The following ZNF501 variants were observed in gnomAD, a reference collection of about 807,000 sequenced individuals.
ZNF501 encodes zinc finger protein 501, also known as zinc finger protein 52.
In ZNF501, 7 loss-of-function variants were observed where a neutral mutation model predicts 5.7. The ratio of observed to expected loss-of-function variants is 1.24; its 90% CI spans 0.70 to 2.32. The LOEUF is 2.32. Among genes scored for constraint, ZNF501 ranks in the 30% most tolerant of loss-of-function variants. The pLI is 0.00. For missense variants in ZNF501, 352 were observed against 321.1 expected, an observed-to-expected ratio of 1.10 and a Z score of -0.73; for synonymous variants, 107 against 101.9, an observed-to-expected ratio of 1.05 and a Z score of -0.30.
chr3:44,734,556 A>C lies in ZNF501; in HGVS notation c.135A>C (p.Arg45Ser). 1 of 1,614,206 alleles carries C rather than the reference A, an allele frequency of 6.2e-7. No homozygotes were observed. Among genetic ancestry groups the C allele is most frequent in the Non-Finnish European group, 8.5e-7 (1 of 1,180,028 alleles). The change falls in exon 3 of 3, where the codon AGA (arginine) becomes AGC (serine). Residue 45 changes from arginine to serine, a missense_variant. By Grantham distance (110) the Arg-to-Ser change is moderately radical. Coordinates refer to ENST00000620116, the MANE Select transcript of ZNF501 (RefSeq NM_001258280.2). Reference sequence around the variant, plus strand: ...TTACCCAGCACCAGAGGATTCACAGAGGAGAGAAGCCCTATGTGTGCAGTG... The same window carrying C: ...TTACCCAGCACCAGAGGATTCACAGCGGAGAGAAGCCCTATGTGTGCAGTG... ...SSLTQHQRIH[R>S]GEKPYVCSEC...
Position 44,735,246 on chromosome 3 carries a change from A to G in ZNF501, c.*9A>G, listed in dbSNP as rs142345135. ...TTCATGCTGGAGAGTAAAATTTGGA[A>G]TATAATGAGTATGGGAAGATTTGTA... On this transcript the variant is annotated 3_prime_UTR_variant, in exon 3 of 3. Coordinates refer to ENST00000620116, the MANE Select transcript of ZNF501 (RefSeq NM_001258280.2). The G allele has an allele frequency of 3.3e-3, 5,074 of 1,534,668 alleles. 14 individuals carry two copies. Among genetic ancestry groups the G allele is most frequent in the Non-Finnish European group, 4.1e-3 (4,726 of 1,141,998 alleles).
chr3:44,736,263 T>A lies in ZNF501; in HGVS notation c.*1026T>A, dbSNP rs1704697526. 6.0e-6 allele frequency: 1 copy of A among 167,008 alleles called. No individual in the cohort carries two copies. Among genetic ancestry groups the A allele is most frequent in the Non-Finnish European group, 1.5e-5 (1 of 68,128 alleles). The allele number at this position is 167,008 out of a possible 1,614,324, so 10.3% of individuals were successfully genotyped here. A position where few individuals can be genotyped will look rare whatever the true frequency, so the allele number is the denominator to read the frequency against. On this transcript the variant is annotated 3_prime_UTR_variant, in exon 3 of 3. Transcript: ENST00000620116. ...TAAAAGCCATGAAAAAGCAAAGAAA[T>A]CAAAGAATACTTTTGATGGAGCTTT...
intron 2 of ZNF501, among the ~76,000 whole-genome samples, chr3:44,733,743 C>T (rs1468558270): frequency 6.6e-6 from 1 of 152,112 alleles, no homozygotes; most frequent in Admixed American, 6.5e-5. Context: ...CTATAGGTTT[C>T]CAGTTGGGCC....
At chr3:44,732,617 C>G (rs1704631956) in intron 2 of ZNF501, among the ~76,000 whole-genome samples, 1 of 152,124 alleles carries the variant, frequency 6.6e-6, no homozygotes, top group Non-Finnish European at 1.5e-5. Context: ...CCCAATAGAT[C>G]CATATGTACC....
chr3:44,735,315 C>A lies in ZNF501; in HGVS notation c.*78C>A. 8.2e-7 allele frequency: 1 copy of A among 1,214,224 alleles called. No homozygotes were observed. Among genetic ancestry groups the A allele is most frequent in the Non-Finnish European group, 1.2e-6 (1 of 869,326 alleles). The allele number at this position is 1,214,224 out of a possible 1,614,324, so 75.2% of individuals were successfully genotyped here. A position where few individuals can be genotyped will look rare whatever the true frequency, so the allele number is the denominator to read the frequency against. On this transcript the variant is annotated 3_prime_UTR_variant, in exon 3 of 3. Transcript: ENST00000620116. ...CTCCTAAATTCCTAGGAATGTAAGA[C>A]TCAATCTGTAGCTAGTATGAATATT...
rs150433704 is a variant in ZNF501, at chr3:44,734,921, G to A, written c.500G>A (p.Cys167Tyr). 7.6e-5 allele frequency: 122 copies of A among 1,614,028 alleles called. No homozygotes were observed. The East Asian group carries it at 2.2e-3, about 29-fold the overall frequency. The change falls in exon 3 of 3, where the codon TGT becomes TAT. Residue 167 changes from cysteine to tyrosine, a missense_variant. Cys to Tyr is a radical substitution (Grantham distance 194). Coordinates refer to ENST00000620116, the MANE Select transcript of ZNF501 (RefSeq NM_001258280.2). ...SGDKPFKCNE[C>Y]GKAFNQSACL... is the part of the protein sequence containing the mutation. ...GATAAACCTTTTAAGTGTAATGAAT[G>A]TGGGAAAGCCTTTAATCAGAGTGCA...
Position 44,734,553 on chromosome 3 carries a change from C to T in ZNF501, c.132C>T (p.His44=). 2 of 1,614,142 alleles carry T rather than the reference C, an allele frequency of 1.2e-6. No individual in the cohort carries two copies. The highest frequency in any genetic ancestry group is 1.7e-6 in the Non-Finnish European group (2 of 1,180,016). The change falls in exon 3 of 3, where the codon CAC becomes CAT. Residue 44 remains histidine (H), a synonymous_variant. Transcript: ENST00000620116. ...CTCTTACCCAGCACCAGAGGATTCACAGAGGAGAGAAGCCCTATGTGTGCA... is the reference window on the plus strand; with the variant it reads ...CTCTTACCCAGCACCAGAGGATTCATAGAGGAGAGAAGCCCTATGTGTGCA... ...RSSLTQHQRI[H]RGEKPYVCSE...
chr3:44,734,995 T>TG lies in ZNF501; in HGVS notation c.575dup (p.Cys192TrpfsTer3). On this transcript the variant is annotated frameshift_variant, in exon 3 of 3. Coordinates refer to ENST00000620116, the MANE Select transcript of ZNF501 (RefSeq NM_001258280.2). LOFTEE classifies it high-confidence loss of function. ...TCATTCAGGAGAGAAGCCCTACACA[T>TG]GCACTGAATGTGGTAAAGCCTTCAC... The TG allele has an allele frequency of 6.2e-7, 1 of 1,614,180 alleles. No individual in the cohort carries two copies. Among genetic ancestry groups the TG allele is most frequent in the Non-Finnish European group, 8.5e-7 (1 of 1,180,026 alleles).
At position 44,736,063 on chromosome 3, in the gene ZNF501, T is replaced by C. The variant is rs1704694139; in HGVS notation, c.*826T>C. 1 of 167,092 alleles carries C rather than the reference T, an allele frequency of 6.0e-6. No individual in the cohort carries two copies. The highest frequency in any genetic ancestry group is 2.1e-4 in the South Asian group (1 of 4,826). 10.4% of individuals were successfully genotyped at this position (167,092 alleles called of 1,614,324 possible). A position where few individuals can be genotyped will look rare whatever the true frequency, so the allele number is the denominator to read the frequency against. ...GATGAGGATGTGGCTGTATTTGTTT[T>C]GAGTTCTAGGAGCACAGCACCAAAT... On this transcript the variant is annotated 3_prime_UTR_variant, in exon 3 of 3. Transcript: ENST00000620116.
At position 44,734,418 on chromosome 3, in the gene ZNF501, CA is replaced by C. The variant is rs780361624; in HGVS notation, c.-3del. 27 of 1,608,336 alleles carry C rather than the reference CA, an allele frequency of 1.7e-5. No individual in the cohort carries two copies. Among genetic ancestry groups the C allele is most frequent in the Middle Eastern group, 1.6e-4 (1 of 6,062 alleles). ...GTAAGTATGAATTTGGTGTTACAAG[CA>C]GCATGAATTCCAGCCAAATATCACT... is the stretch of plus-strand genomic sequence containing the variant. On this transcript the variant is annotated 5_prime_UTR_variant, in exon 3 of 3. Coordinates refer to ENST00000620116, the MANE Select transcript of ZNF501 (RefSeq NM_001258280.2).
In ZNF501 at chr3:44,731,499, CAAGAG is replaced by C. The variant is rs2125873357; in HGVS notation, c.-281_-277del. 6.6e-6 allele frequency: 1 copy of C among 152,286 alleles called. No homozygotes were observed. Among genetic ancestry groups the C allele is most frequent in the Non-Finnish European group, 1.5e-5 (1 of 68,036 alleles). The allele number at this position is 152,286 out of a possible 1,614,324, so 9.4% of individuals were successfully genotyped here. Reference sequence around the variant, plus strand: ...AGTGCCTCAAATTCCTGCCTTTCCTCAAGAGAAGAGCCCCCAGGAGAAAAGCCAGT... The same window carrying C: ...AGTGCCTCAAATTCCTGCCTTTCCTCAAGAGCCCCCAGGAGAAAAGCCAGT... On this transcript the variant is annotated 5_prime_UTR_variant, in exon 2 of 3. The change abolishes the stop of an existing upstream ORF in the 5' untranslated region. Transcript: ENST00000620116.
Position 44,734,889 on chromosome 3 carries a change from T to C in ZNF501, c.468T>C (p.His156=), listed in dbSNP as rs1160455304. ...SICLTRHQRS[H]SGDKPFKCNE... ...GCCTTACTCGTCATCAGAGAAGTCA[T>C]TCTGGAGATAAACCTTTTAAGTGTA... The change falls in exon 3 of 3, where the codon CAT becomes CAC. Residue 156 remains histidine, a synonymous_variant. Transcript: ENST00000620116. 3 of 1,613,792 alleles carry C rather than the reference T, an allele frequency of 1.9e-6. No homozygotes were observed. Among genetic ancestry groups the C allele is most frequent in the Non-Finnish European group, 2.5e-6 (3 of 1,180,022 alleles).
chr3:44,734,998 A>G lies in ZNF501; in HGVS notation c.577A>G (p.Thr193Ala), dbSNP rs763514876. ...IHSGEKPYTCTECGKAFTQNS... is the reference protein window; with the variant it reads ...IHSGEKPYTCAECGKAFTQNS... ...TTCAGGAGAGAAGCCCTACACATGC[A>G]CTGAATGTGGTAAAGCCTTCACTCA... Residue 193 changes from threonine (T) to alanine (A), a missense_variant, in exon 3 of 3, where the codon ACT (threonine) becomes GCT (alanine). By Grantham distance (58) the Thr-to-Ala change is moderately conservative. Transcript: ENST00000620116. 6.2e-7 allele frequency: 1 copy of G among 1,614,068 alleles called. No homozygotes were observed. Among genetic ancestry groups the G allele is most frequent in the Non-Finnish European group, 8.5e-7 (1 of 1,180,024 alleles).
chr3:44,735,353 C>T lies in ZNF501; in HGVS notation c.*116C>T, dbSNP rs59932401. On this transcript the variant is annotated 3_prime_UTR_variant, in exon 3 of 3. Coordinates refer to ENST00000620116, the MANE Select transcript of ZNF501 (RefSeq NM_001258280.2). ...TAGTATGAATATTTTGTATTTTGAA[C>T]AAGAAATGTTGTGTCCTAATGTGTC... 2,739 of 1,002,066 alleles carry T rather than the reference C, an allele frequency of 2.7e-3. 46 individuals carry two copies. In the African/African-American group the frequency reaches 0.037, roughly 13 times the overall value. The allele number at this position is 1,002,066 out of a possible 1,614,324, so 62.1% of individuals were successfully genotyped here. A position where few individuals can be genotyped will look rare whatever the true frequency, so the allele number is the denominator to read the frequency against.
chr3:44,734,846 C>G lies in ZNF501; in HGVS notation c.425C>G (p.Ala142Gly). The change falls in exon 3 of 3, where the codon GCC (alanine) becomes GGC (glycine). Residue 142 changes from alanine (A) to glycine (G), a missense_variant. By Grantham distance (60) the Ala-to-Gly change is moderately conservative (BLOSUM62 0). Transcript: ENST00000620116. Reference sequence around the variant, plus strand: ...TATAAATGTACAGAATGTGGCAAAGCCTTCAGTCAGAGCATATGCCTTACT... The same window carrying G: ...TATAAATGTACAGAATGTGGCAAAGGCTTCAGTCAGAGCATATGCCTTACT... ...KPYKCTECGK[A>G]FSQSICLTRH... 1 of 1,613,852 alleles carries G rather than the reference C, an allele frequency of 6.2e-7. No homozygotes were observed. The highest frequency in any genetic ancestry group is 8.5e-7 in the Non-Finnish European group (1 of 1,180,028).
At position 44,734,536 on chromosome 3, in the gene ZNF501, C is replaced by A; in HGVS notation, c.115C>A (p.Gln39Lys). The A allele has an allele frequency of 6.2e-7, 1 of 1,614,118 alleles. No homozygotes were observed. Among genetic ancestry groups the A allele is most frequent in the Non-Finnish European group, 8.5e-7 (1 of 1,180,016 alleles). ...CTTTACTCAGAGATCATCTCTTACCCAGCACCAGAGGATTCACAGAGGAGA... is the reference window on the plus strand; with the variant it reads ...CTTTACTCAGAGATCATCTCTTACCAAGCACCAGAGGATTCACAGAGGAGA... ...KFFTQRSSLT[Q>K]HQRIHRGEKP... Residue 39 changes from glutamine to lysine, a missense_variant, in exon 3 of 3, where the codon CAG (glutamine) becomes AAG (lysine). Physicochemically the swap from Gln to Lys is moderately conservative, Grantham distance 53. Coordinates refer to ENST00000620116, the MANE Select transcript of ZNF501 (RefSeq NM_001258280.2).
intron 2 of ZNF501, among the ~76,000 whole-genome samples, chr3:44,733,341 T>G (rs1704643032): frequency 6.6e-6 from 1 of 152,168 alleles, no homozygotes; most frequent in Non-Finnish European, 1.5e-5. Flanking sequence ...GTTTCAAAAT[T>G]TGATAATCAT....
At chr3:44,733,108 G>A (rs1440931701) in intron 2 of ZNF501, among the ~76,000 whole-genome samples, 6 of 152,180 alleles carry the variant, frequency 3.9e-5, no homozygotes, top group African/African-American at 2.4e-5. Flanking sequence ...ATAGGTGCGA[G>A]CCACCATGCC....
chr3:44,734,240 G>T lies in ZNF501; in HGVS notation c.-182G>T. ...GTTCACTTTCAGAGAAGTTGAGAAT[G>T]CAGGCTGAACAAGGAAGAGGAAGGG... On this transcript the variant is annotated 5_prime_UTR_variant, in exon 3 of 3. It removes an upstream start codon present in the reference 5' UTR. Coordinates refer to ENST00000620116, the MANE Select transcript of ZNF501 (RefSeq NM_001258280.2). 1 of 569,352 alleles carries T rather than the reference G, an allele frequency of 1.8e-6. No individual in the cohort carries two copies. Among genetic ancestry groups the T allele is most frequent in the Middle Eastern group, 4.7e-4 (1 of 2,126 alleles). 35.3% of individuals were successfully genotyped at this position (569,352 alleles called of 1,614,324 possible). A position where few individuals can be genotyped will look rare whatever the true frequency, so the allele number is the denominator to read the frequency against.
Sources: gnomAD v4.1 joint callset for allele counts (sites outside exome capture counted in the v4.1 genomes callset) on GRCh38, gnomAD v4.1.1 for gene constraint, MANE v1.5 for transcripts, NCBI Gene and HGNC (gene_info 2026-07-23, HGNC 2026-07-21) for gene names.